Variants in PTPRQ observed in about 807,000 individuals in gnomAD.
PTPRQ encodes phosphatidylinositol phosphatase PTPRQ.
In PTPRQ, 199 loss-of-function variants were observed where a neutral mutation model predicts 246.0. The ratio of observed to expected loss-of-function variants is 0.81; its 90% CI spans 0.72 to 0.91. The LOEUF is 0.91. Among genes scored for constraint, PTPRQ ranks in the 40% least tolerant of loss-of-function variants. The pLI, the probability that PTPRQ is intolerant of heterozygous loss-of-function variation, is 0.00. For missense variants in PTPRQ, 2,624 were observed against 2,528.4 expected, an observed-to-expected ratio of 1.04 and a Z score of -0.81; for synonymous variants, 869 against 853.2, an observed-to-expected ratio of 1.02 and a Z score of -0.32.
chr12:80,560,757 C>T (rs968478326), intron 25 of PTPRQ, among the ~76,000 whole-genome samples: 1 of 152,184 alleles, frequency 6.6e-6, no homozygotes, highest in Admixed American at 6.5e-5. Flanking sequence ...TAAATAGCTG[C>T]TCCAGCTGTT....
chr12:80,613,603 C>A lies in PTPRQ; in HGVS notation c.4930C>A (p.Pro1644Thr). 1 of 1,528,316 alleles carries A rather than the reference C, an allele frequency of 6.5e-7. No individual in the cohort carries two copies. Among genetic ancestry groups the A allele is most frequent in the East Asian group, 2.5e-5 (1 of 39,588 alleles). 94.7% of individuals were successfully genotyped at this position (1,528,316 alleles called of 1,614,324 possible). A position where few individuals can be genotyped will look rare whatever the true frequency, so the allele number is the denominator to read the frequency against. Residue 1644 changes from proline (P) to threonine (T), a missense_variant, in exon 29 of 45, where the codon CCA (proline) becomes ACA (threonine). Pro to Thr is a conservative substitution (Grantham distance 38). Coordinates refer to ENST00000644991, the MANE Select transcript of PTPRQ (RefSeq NM_001145026.2). ...VTTLESAPKDPPNNMTFQKIP... is the reference protein window; with the variant it reads ...VTTLESAPKDTPNNMTFQKIP... ...ATATTTTATTTTAGCCCCAAAGGAC[C>A]CACCTAACAACATGACATTTCAGAA...
chr12:80,610,341 G>A lies in PTPRQ; in HGVS notation c.4732-98G>A, dbSNP rs565169799. The A allele has an allele frequency of 3.6e-5, 36 of 990,484 alleles. No homozygotes were observed. In the African/African-American group the frequency reaches 5.6e-4, roughly 16 times the overall value. 61.4% of individuals were successfully genotyped at this position (990,484 alleles called of 1,614,324 possible). A position where few individuals can be genotyped will look rare whatever the true frequency, so the allele number is the denominator to read the frequency against. On this transcript the variant is annotated intron_variant, in intron 27 of 44. Coordinates refer to ENST00000644991, the MANE Select transcript of PTPRQ (RefSeq NM_001145026.2). ...TGTAAAATAAATAAATACAAATTTG[G>A]CTAGATAAATACATCTCACGTAGCT...
chr12:80,609,885 G>A (rs1898483476), intron 27 of PTPRQ, among the ~76,000 whole-genome samples: 1 of 150,594 alleles, frequency 6.6e-6, no homozygotes, highest in African/African-American at 2.4e-5. Flanking sequence ...TCTGAATTAT[G>A]TTACAAAGAG....
chr12:80,658,140 A>G (rs926324723), intron 39 of PTPRQ, 79 bp downstream of exon 39: 55 of 929,760 alleles, frequency 5.9e-5, no homozygotes, highest in Non-Finnish European at 7.7e-5. Context: ...ATTACTTAAA[A>G]CAACAAATTT....
In PTPRQ at chr12:80,584,450, C is replaced by G. The variant is rs190277928; in HGVS notation, c.4286-3679C>G. Reference sequence around the variant, plus strand: ...AATCAAGTAGTCTCTGAATTTCTCCCTTTTCCTGTTTTGCAATTACCAGAC... The same window carrying G: ...AATCAAGTAGTCTCTGAATTTCTCCGTTTTCCTGTTTTGCAATTACCAGAC... On this transcript the variant is annotated intron_variant, in intron 25 of 44. Coordinates refer to ENST00000644991, the MANE Select transcript of PTPRQ (RefSeq NM_001145026.2). Among the ~76,000 whole-genome samples, 8 of 152,262 alleles carry G rather than the reference C, an allele frequency of 5.3e-5. No homozygotes were observed. The East Asian group carries it at 1.4e-3, about 26-fold the overall frequency.
chr12:80,445,775 T>C (rs1284158561), intron 3 of PTPRQ, 58 bp downstream of exon 3: 2 of 1,246,272 alleles, frequency 1.6e-6, no homozygotes, highest in African/African-American at 1.5e-5. Context: ...TTTAAAAGTG[T>C]GGGAGGTTTT....
At chr12:80,512,450 A>G (rs1409527450) in intron 17 of PTPRQ, among the ~76,000 whole-genome samples, 2 of 152,190 alleles carry the variant, frequency 1.3e-5, no homozygotes, top group Admixed American at 6.5e-5. Flanking sequence ...TATTCTAGGA[A>G]CTTAGCTATA....
intron 8 of PTPRQ, among the ~76,000 whole-genome samples, chr12:80,478,933 C>T (rs1046473251): frequency 6.6e-6 from 1 of 152,086 alleles, no homozygotes; most frequent in Non-Finnish European, 1.5e-5. Flanking sequence ...GAGAATGCAA[C>T]CAAGTTGGAA....
chr12:80,465,275 G>A (rs1007754279), intron 6 of PTPRQ: 4 of 152,134 alleles, frequency 2.6e-5, no homozygotes, highest in Non-Finnish European at 4.4e-5. Context: ...TAAATTTTTC[G>A]ACACATACAC....
chr12:80,544,717 T>C (rs895148390), intron 23 of PTPRQ, among the ~76,000 whole-genome samples: 3 of 152,136 alleles, frequency 2.0e-5, no homozygotes, highest in African/African-American at 7.2e-5. Flanking sequence ...TCTCTCCTAG[T>C]GTGTTCTATT....
chr12:80,594,733 T>G (rs561618002), intron 26 of PTPRQ, among the ~76,000 whole-genome samples: 2 of 152,250 alleles, frequency 1.3e-5, no homozygotes, highest in East Asian at 3.9e-4. Context: ...AGGCAAAACC[T>G]GAGTCCTATT....
intron 3 of PTPRQ, among the ~76,000 whole-genome samples, chr12:80,449,192 C>T (rs1317865094): frequency 6.6e-6 from 1 of 151,388 alleles, no homozygotes; most frequent in African/African-American, 2.4e-5. Context: ...AGTGTCTGTT[C>T]ATGTCCTTCA....
chr12:80,626,486 T>TA (rs1899204999), intron 33 of PTPRQ, among the ~76,000 whole-genome samples: 2 of 152,194 alleles, frequency 1.3e-5, no homozygotes, highest in South Asian at 4.1e-4. Context: ...ACCAAGTCTT[T>TA]AAGGGGTTTT....
In PTPRQ at chr12:80,605,072, T is replaced by C; in HGVS notation, c.4623T>C (p.Pro1541=). The change falls in exon 27 of 45, where the codon CCT becomes CCC. Residue 1541 remains proline, a synonymous_variant. Transcript: ENST00000644991. ...CTATTGTCATAGCTCCAGATGGTCC[T>C]CCTGAAAATGTTCATGTAGTAGCAA... The part of the protein sequence containing the change: ...TKTLPGPPDG[P]PENVHVVATS... 1 of 1,542,292 alleles carries C rather than the reference T, an allele frequency of 6.5e-7. No individual in the cohort carries two copies.
intron 8 of PTPRQ, among the ~76,000 whole-genome samples, chr12:80,481,057 C>G (rs1266217253): frequency 6.6e-6 from 1 of 152,170 alleles, no homozygotes; most frequent in East Asian, 1.9e-4. Context: ...CAAAGCCAGG[C>G]AGAGACACAA....
chr12:80,444,376 T>G lies in PTPRQ; in HGVS notation c.31T>G (p.Phe11Val). The change falls in exon 1 of 45, where the codon TTT becomes GTT. Residue 11 changes from phenylalanine to valine, a missense_variant. Transcript: ENST00000644991. ...TTTTCTTATCATTTTTCTTTTACTT[T>G]TTATTGGGACTTCAGAGACACAGGT... Reference protein sequence around the residue: MDFLIIFLLLFIGTSETQVDV... With the variant: MDFLIIFLLLVIGTSETQVDV... 1.3e-6 allele frequency: 2 copies of G among 1,482,494 alleles called. No homozygotes were observed. The highest frequency in any genetic ancestry group is 1.8e-6 in the Non-Finnish European group (2 of 1,086,838). The allele number at this position is 1,482,494 out of a possible 1,614,324, so 91.8% of individuals were successfully genotyped here.
intron 14 of PTPRQ, among the ~76,000 whole-genome samples, chr12:80,497,361 A>G (rs184556265): frequency 6.6e-6 from 1 of 152,072 alleles, no homozygotes; most frequent in African/African-American, 2.4e-5. Context: ...TTCACAATAG[A>G]GTTTGCGCTC....
intron 26 of PTPRQ, among the ~76,000 whole-genome samples, chr12:80,594,852 G>C (rs1032798330): frequency 6.6e-6 from 1 of 151,972 alleles, no homozygotes; most frequent in Non-Finnish European, 1.5e-5. Context: ...AGATCTAAAT[G>C]GTCTTTCTGC....
In PTPRQ at chr12:80,496,424, G is replaced by A; in HGVS notation, c.2165G>A (p.Arg722Lys). Residue 722 changes from arginine (R) to lysine (K), a missense_variant, in exon 14 of 45, where the codon AGG becomes AAG. Physicochemically the swap from Arg to Lys is conservative, Grantham distance 26. Transcript: ENST00000644991. The stretch of plus-strand genomic sequence containing the variant: ...ACATCAACAACAGACATAATATTAA[G>A]GAACTTAAGACCTCACACCCTCTAT... ...KNTSTTDIIL[R>K]NLRPHTLYNI... is the part of the protein sequence containing the mutation. 1 of 1,550,728 alleles carries A rather than the reference G, an allele frequency of 6.4e-7. No homozygotes were observed. Among genetic ancestry groups the A allele is most frequent in the Non-Finnish European group, 8.7e-7 (1 of 1,146,452 alleles).
Sources: gnomAD v4.1 joint callset for allele counts (sites outside exome capture counted in the v4.1 genomes callset) on GRCh38, gnomAD v4.1.1 for gene constraint, MANE v1.5 for transcripts, NCBI Gene and HGNC (gene_info 2026-07-23, HGNC 2026-07-21) for gene names.